ALKBH1: variants seen among roughly 807,000 people sequenced by gnomAD.
The protein encoded by ALKBH1 is alkB homolog 1, histone H2A dioxygenase, also known as nucleic acid dioxygenase ALKBH1.
ALKBH1 carries 31 observed loss-of-function variants against 36.6 expected under a neutral mutation model. The observed-to-expected ratio is 0.85, with a 90% CI of 0.64 to 1.14. The LOEUF is 1.14. Among genes scored for constraint, ALKBH1 ranks in the 50% most tolerant of loss-of-function variants. The pLI is 0.00. For missense variants in ALKBH1, 490 were observed against 497.3 expected (o/e 0.99, Z 0.14); for synonymous variants, 183 against 186.6 (o/e 0.98, Z 0.16).
chr14:77,690,005 TAAAC>T (rs1031095634), intron 3 of ALKBH1, among the ~76,000 whole-genome samples: 7 of 151,884 alleles, frequency 4.6e-5, no homozygotes, highest in African/African-American at 1.5e-4. Context: ...AAAGTGGCAA[TAAAC>T]AAACAAACCA....
intron 3 of ALKBH1, among the ~76,000 whole-genome samples, chr14:77,685,682 G>A (rs905626855): frequency 1.3e-5 from 2 of 150,742 alleles, no homozygotes; most frequent in South Asian, 2.1e-4. Flanking sequence ...GGGAGGCTGA[G>A]GCAGGAGCCT....
At chr14:77,701,412 C>A (rs952799093) in intron 2 of ALKBH1, among the ~76,000 whole-genome samples, 2 of 152,188 alleles carry the variant, frequency 1.3e-5, no homozygotes, top group African/African-American at 2.4e-5. Flanking sequence ...AGGATATGAA[C>A]CCAGGTAACC....
intron 4 of ALKBH1, among the ~76,000 whole-genome samples, chr14:77,676,654 T>G (rs1289279032): frequency 1.3e-5 from 2 of 152,224 alleles, no homozygotes; most frequent in Non-Finnish European, 2.9e-5. Context: ...GTTAACTATT[T>G]GAGACAAAGG....
At chr14:77,686,979 C>T (rs1360740797) in intron 3 of ALKBH1, among the ~76,000 whole-genome samples, 1 of 152,198 alleles carries the variant, frequency 6.6e-6, no homozygotes, top group Non-Finnish European at 1.5e-5. Context: ...CTCAACTTGA[C>T]ACTCCCAGTC....
chr14:77,678,491 G>A (rs2080218180), intron 4 of ALKBH1, among the ~76,000 whole-genome samples: 1 of 150,144 alleles, frequency 6.7e-6, no homozygotes, highest in Admixed American at 6.7e-5. Flanking sequence ...GGAGGTCGAG[G>A]CTATAGTGAT....
intron 3 of ALKBH1, chr14:77,683,223 A>G (rs2080248680): frequency 1.2e-5 from 9 of 738,048 alleles, no homozygotes; most frequent in Non-Finnish European, 2.3e-5. Flanking sequence ...ATCCATAGAG[A>G]ATAGGTTCCA....
intron 3 of ALKBH1, chr14:77,683,052 A>G: frequency 2.5e-6 from 1 of 400,330 alleles, no homozygotes; most frequent in South Asian, 3.8e-5. Context: ...TAGTCTCACC[A>G]TGTTGTCCAG....
At chr14:77,704,209 G>T (rs1595060467) in intron 2 of ALKBH1, among the ~76,000 whole-genome samples, 160 bp downstream of exon 2, 1 of 152,164 alleles carries the variant, frequency 6.6e-6, no homozygotes, top group African/African-American at 2.4e-5. Context: ...GGACGTCTTA[G>T]ACAAGGTACA....
chr14:77,683,907 T>C (rs2139848873), intron 3 of ALKBH1: 1 of 153,510 alleles, frequency 6.5e-6, no homozygotes, highest in South Asian at 2.0e-4. Context: ...CGCATATACA[T>C]GGCCAAAGGA....
intron 4 of ALKBH1, among the ~76,000 whole-genome samples, chr14:77,677,960 T>C (rs958301826): frequency 1.3e-5 from 2 of 152,042 alleles, no homozygotes; most frequent in African/African-American, 4.8e-5. Context: ...TCTTTTAAAG[T>C]TCTCTTTCAC....
rs1168861046 is a variant in ALKBH1 at position 77,700,056 on chromosome 14, A to AAAAT, written c.292+4309_292+4312dup. Among the ~76,000 whole-genome samples, 12 of 152,098 alleles carry AAAAT rather than the reference A, an allele frequency of 7.9e-5. No homozygotes were observed. The East Asian group carries it at 1.5e-3, about 20-fold the overall frequency. On this transcript the variant is annotated intron_variant, in intron 2 of 5. Transcript: ENST00000216489. ...GGCGACAAGCAAGACTCTGTCTCAA[A>AAAAT]AAATAAATAAATAAATAAAAATAAA... is the stretch of plus-strand genomic sequence containing the variant.
Position 77,707,849 on chromosome 14 carries a change from G to A in ALKBH1, c.156C>T (p.Ala52=), listed in dbSNP as rs2080405201. The A allele has an allele frequency of 1.2e-6, 2 of 1,611,478 alleles. No individual in the cohort carries two copies. The highest frequency in any genetic ancestry group is 8.5e-7 in the Non-Finnish European group (1 of 1,178,752). The change falls in exon 1 of 6, where the codon GCC becomes GCT. Residue 52 remains alanine (A), a synonymous_variant. Coordinates refer to ENST00000216489, the MANE Select transcript of ALKBH1 (RefSeq NM_006020.3). ...TTTGGGCACCAGGACCCTTGCCACG[G>A]GCTGCGTGGGCCGCCGAGAAGTCGA... The part of the protein sequence containing the change: ...GVIDFSAAHA[A]RGKGPGAQKV...
chr14:77,693,878 TCAGGAGACTGAGG>T (rs1387774035), intron 3 of ALKBH1, among the ~76,000 whole-genome samples: 3 of 151,988 alleles, frequency 2.0e-5, no homozygotes, highest in Non-Finnish European at 4.4e-5. Context: ...TCCCAGCTAC[TCAGGAGACTGAGG>T]CAGGAGAATC....
chr14:77,674,702 G>C (rs2139841674), intron 5 of ALKBH1, among the ~76,000 whole-genome samples: 1 of 152,188 alleles, frequency 6.6e-6, no homozygotes, highest in Admixed American at 6.5e-5. Context: ...ACAGGCGTGT[G>C]CCACCACACC....
intron 1 of ALKBH1, among the ~76,000 whole-genome samples, chr14:77,705,072 G>A (rs1278705573): frequency 6.6e-6 from 1 of 152,088 alleles, no homozygotes; most frequent in Admixed American, 6.6e-5. Flanking sequence ...GTATAGAGTT[G>A]GTATTTAAAC....
chr14:77,683,145 A>C, intron 3 of ALKBH1: 2 of 494,730 alleles, frequency 4.0e-6, no homozygotes, highest in Non-Finnish European at 3.6e-6. Context: ...CCAAGCTGTA[A>C]AGTCTTTTTT....
chr14:77,706,848 A>G (rs1276827756), intron 1 of ALKBH1, among the ~76,000 whole-genome samples: 1 of 152,212 alleles, frequency 6.6e-6, no homozygotes, highest in African/African-American at 2.4e-5. Flanking sequence ...GTATGCAATC[A>G]TTAACACTTA....
At chr14:77,674,409 T>A (rs1242573112) in intron 5 of ALKBH1, among the ~76,000 whole-genome samples, 168 bp from the exon 6 acceptor site, 1 of 152,238 alleles carries the variant, frequency 6.6e-6, no homozygotes, top group African/African-American at 2.4e-5. Flanking sequence ...TCTTCTGGTT[T>A]GTGTCTATGA....
chr14:77,683,363 G>T, intron 3 of ALKBH1: 1 of 763,970 alleles, frequency 1.3e-6, no homozygotes, highest in Non-Finnish European at 2.4e-6. Context: ...ACACGTTTCA[G>T]GAAGCTATCT....
Sources: allele counts gnomAD v4.1 joint callset (sites outside exome capture counted in the v4.1 genomes callset), GRCh38; gene constraint gnomAD v4.1.1; transcripts MANE v1.5; gene names NCBI Gene and HGNC (gene_info 2026-07-23, HGNC 2026-07-21).